STRN4: variants seen among roughly 807,000 people sequenced by gnomAD.
STRN4 encodes striatin 4, also known as striatin-4.
In STRN4, 27 loss-of-function variants were observed where a neutral mutation model predicts 77.9. That is an observed-to-expected ratio of 0.35 (90% CI 0.26 to 0.48). STRN4 has a LOEUF of 0.48. Among genes scored for constraint, STRN4 ranks in the 20% least tolerant of loss-of-function variants. The pLI, the probability that STRN4 is intolerant of heterozygous loss-of-function variation, is 0.99. For missense variants in STRN4, 798 were observed against 1,049.7 expected (o/e 0.76, Z 3.31); for synonymous variants, 466 against 443.1 (o/e 1.05, Z -0.65).
Position 46,746,160 on chromosome 19 carries a change from C to A in STRN4, c.271G>T (p.Ala91Ser). The change falls in exon 1 of 18, where the codon GCC (alanine) becomes TCC (serine). Residue 91 changes from alanine to serine, a missense_variant. By Grantham distance (99) the Ala-to-Ser change is moderately conservative. This residue lies in a region of STRN4 where 511 missense variants were observed against 575.9 expected (regional missense o/e 0.89). Coordinates refer to ENST00000263280, the MANE Select transcript of STRN4 (RefSeq NM_013403.3). ...GGGACAGCGCTCACCTGTAACTCGGCGCGCTCGGCCTCCCAGCGGGCTTTC... is the reference window on the plus strand; with the variant it reads ...GGGACAGCGCTCACCTGTAACTCGGAGCGCTCGGCCTCCCAGCGGGCTTTC... ...AEKARWEAER[A>S]ELQAQVAFLQ... is the part of the protein sequence containing the mutation. 1.3e-6 allele frequency: 2 copies of A among 1,526,208 alleles called. No homozygotes were observed. Among genetic ancestry groups the A allele is most frequent in the South Asian group, 1.2e-5 (1 of 83,230 alleles). The allele number at this position is 1,526,208 out of a possible 1,614,324, so 94.5% of individuals were successfully genotyped here. A position where few individuals can be genotyped will look rare whatever the true frequency, so the allele number is the denominator to read the frequency against.
At chr19:46,734,790 G>C (rs567126872) in intron 4 of STRN4, among the ~76,000 whole-genome samples, 392 of 152,066 alleles carry the variant, frequency 2.6e-3, no homozygotes, top group African/African-American at 8.8e-3. Flanking sequence ...TCAGCCTCCC[G>C]AGTAGCTGGG....
At chr19:46,736,552 C>CAAAAAAAAA (rs777686904) in intron 4 of STRN4, 2 of 48,598 alleles carry the variant, frequency 4.1e-5, no homozygotes, top group Non-Finnish European at 6.9e-5. Flanking sequence ...GCCACTGAGA[C>CAAAAAAAAA]AAAAAAAAAA....
chr19:46,730,779 C>T lies in STRN4; in HGVS notation c.832G>A (p.Glu278Lys), dbSNP rs879065339. The change falls in exon 6 of 18, where the codon GAG becomes AAG. Residue 278 changes from glutamate to lysine, a missense_variant. Physicochemically the swap from Glu to Lys is moderately conservative, Grantham distance 56. Around this residue, in one of 2 missense-constraint regions of STRN4, gnomAD observed 511 missense variants for 575.9 expected, o/e 0.89. Transcript: ENST00000263280. Reference protein sequence around the residue: ...LQNCEDEDSDEDDELDSVQHK... With the variant: ...LQNCEDEDSDKDDELDSVQHK... ...TGCACGCTGTCCAGCTCATCGTCCTCGTCGCTGTCTTCGTCCTCGCAGTTC... is the reference window on the plus strand; with the variant it reads ...TGCACGCTGTCCAGCTCATCGTCCTTGTCGCTGTCTTCGTCCTCGCAGTTC... 1.9e-6 allele frequency: 3 copies of T among 1,613,042 alleles called. No individual in the cohort carries two copies. The highest frequency in any genetic ancestry group is 2.5e-6 in the Non-Finnish European group (3 of 1,180,014).
At chr19:46,726,692 G>A (rs561912849) in intron 9 of STRN4, among the ~76,000 whole-genome samples, 1 of 152,180 alleles carries the variant, frequency 6.6e-6, no homozygotes, top group South Asian at 2.1e-4. Context: ...GTTCCGGAGA[G>A]ATGACGAGCA....
chr19:46,728,663 G>A lies in STRN4; in HGVS notation c.994C>T (p.Pro332Ser). Residue 332 changes from proline (P) to serine (S), a missense_variant, in exon 7 of 18, where the codon CCA becomes TCA. Physicochemically the swap from Pro to Ser is moderately conservative, Grantham distance 74. Around this residue, in one of 2 missense-constraint regions of STRN4, gnomAD observed 511 missense variants for 575.9 expected, o/e 0.89. Coordinates refer to ENST00000263280, the MANE Select transcript of STRN4 (RefSeq NM_013403.3). Reference protein sequence around the residue: ...LGSGEDGEGAPDPRRCTVDGS... With the variant: ...LGSGEDGEGASDPRRCTVDGS... ...TCCACAGTGCACCGCCGAGGGTCTG[G>A]AGCCCCTTCCCCATCCTCTCCTGAG... 1.2e-6 allele frequency: 2 copies of A among 1,614,130 alleles called. No homozygotes were observed. Among genetic ancestry groups the A allele is most frequent in the Non-Finnish European group, 1.7e-6 (2 of 1,179,986 alleles).
In STRN4 at chr19:46,738,913, G is replaced by A. The variant is rs1158575744; in HGVS notation, c.283-25C>T. 1 of 1,594,872 alleles carries A rather than the reference G, an allele frequency of 6.3e-7. No individual in the cohort carries two copies. The highest frequency in any genetic ancestry group is 8.6e-7 in the Non-Finnish European group (1 of 1,164,314). ...CCTGGGAGGGCAGACAGGAGGCAAA[G>A]GGAGATAATGGGGCTCAGGCTCAAT... On this transcript the variant is annotated intron_variant, in intron 1 of 17. Coordinates refer to ENST00000263280, the MANE Select transcript of STRN4 (RefSeq NM_013403.3). The surrounding 1 kb of genome is among the most constrained non-coding windows in gnomAD (Gnocchi z 4.5).
At position 46,738,287 on chromosome 19, in the gene STRN4, G is replaced by T; in HGVS notation, c.387-50C>A. 6.5e-7 allele frequency: 1 copy of T among 1,541,696 alleles called. No individual in the cohort carries two copies. On this transcript the variant is annotated intron_variant, in intron 2 of 17. Transcript: ENST00000263280. The surrounding 1 kb of genome is among the most constrained non-coding windows in gnomAD (Gnocchi z 4.5). The stretch of plus-strand genomic sequence containing the variant: ...TAAGAGATGCGGGAGAGTAGACAGG[G>T]TCAGTAGTTACCTAAGGAATCCAGA...
At position 46,733,095 on chromosome 19, in the gene STRN4, T is replaced by C. The variant is rs772420139; in HGVS notation, c.681A>G (p.Ala227=). The change falls in exon 5 of 18, where the codon GCA becomes GCG. Residue 227 remains alanine, a synonymous_variant. Transcript: ENST00000263280. The surrounding 1 kb of genome is among the most constrained non-coding windows in gnomAD (Gnocchi z 4.3). ...EGAPRAPPGP[A]GLSGGESLLV... is the part of the protein sequence containing the mutation. ...GCAGCGACTCCCCACCACTGAGCCC[T>C]GCAGGGCCTGGTGGAGCCCTGGGGG... 26 of 1,613,610 alleles carry C rather than the reference T, an allele frequency of 1.6e-5. No homozygotes were observed. The highest frequency in any genetic ancestry group is 2.2e-5 in the Non-Finnish European group (26 of 1,179,922).
rs965573954 is a variant in STRN4, at chr19:46,738,972, C to T, written c.283-84G>A. On this transcript the variant is annotated intron_variant, in intron 1 of 17. Coordinates refer to ENST00000263280, the MANE Select transcript of STRN4 (RefSeq NM_013403.3). The surrounding 1 kb of genome is among the most constrained non-coding windows in gnomAD (Gnocchi z 4.5). ...GTCTATCACTCACCCAGGTATAGTG[C>T]CAGCCCACAGTCACCCCACAGTAAT... 2.0e-4 allele frequency: 235 copies of T among 1,177,614 alleles called. 1 individual carries two copies. The highest frequency in any genetic ancestry group is 6.1e-4 in the Middle Eastern group (3 of 4,920). 72.9% of individuals were successfully genotyped at this position (1,177,614 alleles called of 1,614,324 possible). A position where few individuals can be genotyped will look rare whatever the true frequency, so the allele number is the denominator to read the frequency against.
chr19:46,733,056 G>C lies in STRN4; in HGVS notation c.720C>G (p.Ile240Met), dbSNP rs375496663. The C allele has an allele frequency of 2.5e-6, 4 of 1,611,280 alleles. No homozygotes were observed. The highest frequency in any genetic ancestry group is 1.3e-5 in the African/African-American group (1 of 74,980). ...GGGCTCACCTCTTTATCTGCTCCTC[G>C]ATCTGTTTCACCAGCAGCGACTCCC... The part of the protein sequence containing the change: ...SGGESLLVKQ[I>M]EEQIKRNAAG... The change falls in exon 5 of 18, where the codon ATC becomes ATG. Residue 240 changes from isoleucine (I) to methionine (M), a missense_variant. By Grantham distance (10) the Ile-to-Met change is conservative. Transcript: ENST00000263280. This position sits in a 1 kb window ranked among gnomAD's most constrained non-coding sequence, Gnocchi z 4.3.
At chr19:46,725,295 G>A (rs1247630139) in intron 11 of STRN4, 37 bp downstream of exon 11, 1 of 1,613,818 alleles carries the variant, frequency 6.2e-7, no homozygotes, top group Non-Finnish European at 8.5e-7. Flanking sequence ...GCTGCATTTA[G>A]GACGAGTTTC....
rs769570975 is a variant in STRN4, at chr19:46,738,394, G to A, written c.387-157C>T. On this transcript the variant is annotated intron_variant, in intron 2 of 17. Transcript: ENST00000263280. The surrounding 1 kb of genome is among the most constrained non-coding windows in gnomAD (Gnocchi z 4.5). ...CATCCCCCCACACCCCTGGCCTGGT[G>A]GAAGAAACCACTCCCTGGAGTCAGG... is the stretch of plus-strand genomic sequence containing the variant. Among the ~76,000 whole-genome samples, 1 of 152,040 alleles carries A rather than the reference G, an allele frequency of 6.6e-6. No individual in the cohort carries two copies. The highest frequency in any genetic ancestry group is 2.4e-5 in the African/African-American group (1 of 41,374).
chr19:46,726,222 C>A (rs1481994223), intron 9 of STRN4: 1 of 153,476 alleles, frequency 6.5e-6, no homozygotes, highest in Non-Finnish European at 1.4e-5. Flanking sequence ...GGTGGTGAGC[C>A]CCGGAGGAAT....
intron 1 of STRN4, among the ~76,000 whole-genome samples, chr19:46,739,947 C>T (rs187323924): frequency 6.6e-6 from 1 of 152,180 alleles, no homozygotes; most frequent in Non-Finnish European, 1.5e-5. Context: ...GGGCCCAGTT[C>T]CTTACGGGAG....
In STRN4 at chr19:46,743,252, TCA is replaced by T. The variant is rs151011255; in HGVS notation, c.282+2895_282+2896del. ...TACATATATATGTGTATACACACAC[TCA>T]CACACACACACACACCCCTCTGAGA... On this transcript the variant is annotated intron_variant, in intron 1 of 17. Transcript: ENST00000263280. Among the ~76,000 whole-genome samples, 309 of 150,230 alleles carry T rather than the reference TCA, an allele frequency of 2.1e-3. 1 individual carries two copies. The highest frequency in any genetic ancestry group is 6.7e-3 in the African/African-American group (275 of 41,152).
At position 46,733,071 on chromosome 19, in the gene STRN4, CA is replaced by C. The variant is rs1311591319; in HGVS notation, c.704del (p.Leu235ArgfsTer3). On this transcript the variant is annotated frameshift_variant, in exon 5 of 18. Transcript: ENST00000263280. LOFTEE classifies it high-confidence loss of function. The surrounding 1 kb of genome is among the most constrained non-coding windows in gnomAD (Gnocchi z 4.3). Reference sequence around the variant, plus strand: ...TCTGCTCCTCGATCTGTTTCACCAGCAGCGACTCCCCACCACTGAGCCCTGC... The same window carrying C: ...TCTGCTCCTCGATCTGTTTCACCAGCGCGACTCCCCACCACTGAGCCCTGC... ...GPAGLSGGES[L>X]LVKQIEEQIK... is the part of the protein sequence containing the mutation. 6.2e-7 allele frequency: 1 copy of C among 1,612,844 alleles called. No homozygotes were observed.
chr19:46,737,189 C>T (rs544703838), intron 3 of STRN4, among the ~76,000 whole-genome samples: 6 of 152,178 alleles, frequency 3.9e-5, no homozygotes, highest in African/African-American at 7.2e-5. Context: ...AGAGAAGGGC[C>T]GACTGGGTTC....
Position 46,725,481 on chromosome 19 carries a change from C to G in STRN4, c.1416G>C (p.Thr472=). The G allele has an allele frequency of 6.2e-7, 1 of 1,613,966 alleles. No individual in the cohort carries two copies. Among genetic ancestry groups the G allele is most frequent in the Non-Finnish European group, 8.5e-7 (1 of 1,179,940 alleles). Residue 472 remains threonine (T), a synonymous_variant, in exon 10 of 18, where the codon ACG becomes ACC. Coordinates refer to ENST00000263280, the MANE Select transcript of STRN4 (RefSeq NM_013403.3). ...GAGCTTGCTGCCCTCACTTCTTGGC[C>G]GTGACCGCCTTCTGCAGGTTCCAGA... The part of the protein sequence containing the change: ...LKLWNLQKAV[T]AKKNAALDVE...
chr19:46,732,735 G>A (rs908273525), intron 5 of STRN4: 13 of 373,470 alleles, frequency 3.5e-5, no homozygotes, highest in Non-Finnish European at 5.4e-5. Flanking sequence ...CCCTGCTGGC[G>A]AGGCACCCAG....
Sources: gnomAD v4.1 joint callset for allele counts (sites outside exome capture counted in the v4.1 genomes callset) on GRCh38, gnomAD v4.1.1 for gene constraint, gnomAD v4.1.1 regional missense constraint, Gnocchi (gnomAD v3.1) non-coding constraint, MANE v1.5 for transcripts, NCBI Gene and HGNC (gene_info 2026-07-23, HGNC 2026-07-21) for gene names.